RANBP2: variants seen among roughly 807,000 people sequenced by gnomAD.
RANBP2 encodes RAN binding protein 2.
RANBP2 carries 57 observed loss-of-function variants against 303.6 expected under a neutral mutation model. That is an observed-to-expected ratio of 0.19 (90% confidence interval 0.15 to 0.23). The LOEUF is 0.23. RANBP2 is among the 10% of genes least tolerant of loss of function. The pLI is 1.00. For synonymous variants in RANBP2, 1,167 were observed against 1,301.5 expected, an observed-to-expected ratio of 0.90 and a Z score of 2.23; for missense variants, 3,138 against 3,780.8, an observed-to-expected ratio of 0.83 and a Z score of 4.46.
chr2:109,195,021 G>A, the RANBP2 span, among the ~76,000 whole-genome samples: 2 of 152,130 alleles, frequency 1.3e-5, no homozygotes, highest in African/African-American at 2.4e-5. Context: ...TAGAAGTGGG[G>A]GAAATGAAAA....
the RANBP2 span, chr2:109,432,733 T>G: frequency 6.5e-7 from 1 of 1,541,750 alleles, no homozygotes; most frequent in Non-Finnish European, 8.7e-7. Flanking sequence ...GCCTTACCGC[T>G]GTTGTTACTG....
At chr2:109,400,589 A>ACACACT in the RANBP2 span, among the ~76,000 whole-genome samples, 5 of 151,452 alleles carry the variant, frequency 3.3e-5, no homozygotes, top group Admixed American at 2.6e-4. Flanking sequence ...ACACACACAC[A>ACACACT]CTTGTGAACT....
chr2:109,179,108 T>C, the RANBP2 span, among the ~76,000 whole-genome samples: 1 of 151,846 alleles, frequency 6.6e-6, no homozygotes, highest in Non-Finnish European at 1.5e-5. Flanking sequence ...CAGAAGAGTC[T>C]GTGAAATGTC....
At chr2:109,272,689 A>G in the RANBP2 span, among the ~76,000 whole-genome samples, 2 of 152,234 alleles carry the variant, frequency 1.3e-5, no homozygotes, top group Non-Finnish European at 2.9e-5. Flanking sequence ...CATGGAGACA[A>G]TACAGGCTGG....
rs1366755159 is a variant in RANBP2 at position 108,763,495 on chromosome 2, A to G, written c.2956A>G (p.Ile986Val). Residue 986 changes from isoleucine (I) to valine (V), a missense_variant, in exon 20 of 29, where the codon ATT becomes GTT. Ile to Val is a conservative substitution (Grantham distance 29). Coordinates refer to ENST00000283195, the MANE Select transcript of RANBP2 (RefSeq NM_006267.5). Reference protein sequence around the residue: ...PEPGYFTKPPIAAHASRSAES... With the variant: ...PEPGYFTKPPVAAHASRSAES... Reference sequence around the variant, plus strand: ...ACCAGGATATTTCACAAAACCTCCGATTGCAGCTCATGCTTCAAGATCTGC... The same window carrying G: ...ACCAGGATATTTCACAAAACCTCCGGTTGCAGCTCATGCTTCAAGATCTGC... The G allele has an allele frequency of 1.2e-6, 2 of 1,614,018 alleles. No homozygotes were observed. Among genetic ancestry groups the G allele is most frequent in the South Asian group, 2.2e-5 (2 of 91,086 alleles).
chr2:109,519,935 T>A, the RANBP2 span, among the ~76,000 whole-genome samples: 1 of 152,322 alleles, frequency 6.6e-6, no homozygotes, highest in East Asian at 1.9e-4. Flanking sequence ...GACTGAAGCA[T>A]CTGCGTGAGG....
the RANBP2 span, among the ~76,000 whole-genome samples, chr2:108,823,579 A>G: frequency 6.6e-6 from 1 of 152,244 alleles, no homozygotes; most frequent in Admixed American, 6.5e-5. Flanking sequence ...GTGATCCTGT[A>G]CAGCATTTGC....
At chr2:108,783,557 A>C (rs1046170480) in intron 28 of RANBP2, 39 bp from the exon 29 acceptor site, 1 of 1,503,190 alleles carries the variant, frequency 6.7e-7, no homozygotes, top group Non-Finnish European at 9.1e-7. Context: ...ATTAATTGAA[A>C]AAAATTTTTA....
At chr2:109,380,856 G>C in the RANBP2 span, among the ~76,000 whole-genome samples, 2 of 152,240 alleles carry the variant, frequency 1.3e-5, no homozygotes, top group African/African-American at 4.8e-5. Context: ...TGGAGAGCCA[G>C]ACACTAATTC....
chr2:109,313,165 C>G, the RANBP2 span, among the ~76,000 whole-genome samples: 6 of 152,196 alleles, frequency 3.9e-5, no homozygotes, highest in Admixed American at 3.9e-4. Context: ...ATGGGCTGAG[C>G]TGGGAAGAAC....
At chr2:109,128,123 C>A in the RANBP2 span, 1 of 152,194 alleles carries the variant, frequency 6.6e-6, no homozygotes, top group Non-Finnish European at 1.5e-5. Flanking sequence ...TGGAACCCAG[C>A]CCTTCCCGAC....
the RANBP2 span, among the ~76,000 whole-genome samples, chr2:109,579,305 G>A: frequency 6.6e-6 from 1 of 151,516 alleles, no homozygotes; most frequent in Non-Finnish European, 1.5e-5. Flanking sequence ...GAAAACCCCA[G>A]GCACTGATTT....
At chr2:109,344,404 G>T in the RANBP2 span, among the ~76,000 whole-genome samples, 5 of 152,188 alleles carry the variant, frequency 3.3e-5, no homozygotes, top group African/African-American at 1.2e-4. Context: ...CATGTTCCAG[G>T]TTCCAGAAGC....
chr2:109,013,021 C>G, the RANBP2 span, among the ~76,000 whole-genome samples: 2 of 152,150 alleles, frequency 1.3e-5, no homozygotes, highest in Non-Finnish European at 2.9e-5. Flanking sequence ...CCGAGTAGGG[C>G]GAAACTCCAT....
the RANBP2 span, among the ~76,000 whole-genome samples, chr2:109,189,519 C>A: frequency 6.6e-6 from 1 of 152,010 alleles, no homozygotes; most frequent in Admixed American, 6.6e-5. Flanking sequence ...CAGGCACACA[C>A]CACCACGCCC....
At chr2:108,754,035 G>A in intron 15 of RANBP2, 64 bp downstream of exon 15, 2 of 1,610,452 alleles carry the variant, frequency 1.2e-6, no homozygotes, top group Non-Finnish European at 8.5e-7. Context: ...TTTTTGCGTT[G>A]GTCTTATATT....
At chr2:109,358,248 A>C in the RANBP2 span, among the ~76,000 whole-genome samples, 1 of 152,148 alleles carries the variant, frequency 6.6e-6, no homozygotes. Context: ...TTTATCATTG[A>C]GTAATATGCC....
chr2:109,303,928 C>T, the RANBP2 span, among the ~76,000 whole-genome samples: 1 of 151,822 alleles, frequency 6.6e-6, no homozygotes. Context: ...AAGATATAAC[C>T]CCGTCTCTAC....
the RANBP2 span, among the ~76,000 whole-genome samples, chr2:109,352,924 T>A: frequency 2.6e-5 from 4 of 152,392 alleles, no homozygotes; most frequent in South Asian, 6.2e-4. Context: ...GGGCTGTATC[T>A]GAAGCTTTGC....
Sources: allele counts gnomAD v4.1 joint callset (sites outside exome capture counted in the v4.1 genomes callset), GRCh38; gene constraint gnomAD v4.1.1; transcripts MANE v1.5; gene names NCBI Gene and HGNC (gene_info 2026-07-23, HGNC 2026-07-21).